EML5: variants seen among roughly 807,000 people sequenced by gnomAD.
The protein encoded by EML5 is EMAP like 5.
EML5 carries 120 observed loss-of-function variants against 250.0 expected under a neutral mutation model. The observed-to-expected ratio is 0.48, with a 90% CI of 0.41 to 0.56. The LOEUF (loss-of-function observed/expected upper bound fraction) is 0.56, where lower values mean the gene tolerates loss of function less well. Ranked by LOEUF, EML5 falls within the 20% of genes least tolerant of loss-of-function variation. The pLI is 0.00. For missense variants in EML5, 2,006 were observed against 2,437.6 expected, an observed-to-expected ratio of 0.82 and a Z score of 3.73; for synonymous variants, 771 against 806.5, an observed-to-expected ratio of 0.96 and a Z score of 0.75.
intron 2 of EML5, among the ~76,000 whole-genome samples, chr14:88,749,352 T>C (rs1265780575): frequency 2.0e-5 from 3 of 152,014 alleles, no homozygotes; most frequent in Non-Finnish European, 4.4e-5. Flanking sequence ...CCTTTGAAAA[T>C]TGAGTCAAAA....
In EML5 at chr14:88,792,852, G is replaced by T; in HGVS notation, c.-349C>A. The T allele has an allele frequency of 1.8e-6, 1 of 561,104 alleles. No individual in the cohort carries two copies. The highest frequency in any genetic ancestry group is 2.3e-6 in the Non-Finnish European group (1 of 441,174). The allele number at this position is 561,104 out of a possible 1,614,324, so 34.8% of individuals were successfully genotyped here. A position where few individuals can be genotyped will look rare whatever the true frequency, so the allele number is the denominator to read the frequency against. ...AGCTCCTCAGCCGCCGCCCGCGCAC[G>T]CAGCTCCCAGCCCCGGTCACCTGCG... On this transcript the variant is annotated 5_prime_UTR_variant, in exon 1 of 44. Transcript: ENST00000554922. The surrounding 1 kb of genome is among the most constrained non-coding windows in gnomAD (Gnocchi z 6.9).
intron 18 of EML5, 73 bp downstream of exon 18, chr14:88,688,198 T>G: frequency 6.8e-7 from 1 of 1,465,976 alleles, no homozygotes; most frequent in Non-Finnish European, 9.5e-7. Context: ...AAGGCAGTGT[T>G]CCTTTACTTC....
At chr14:88,785,029 G>A (rs1199746611) in intron 1 of EML5, among the ~76,000 whole-genome samples, 1 of 152,156 alleles carries the variant, frequency 6.6e-6, no homozygotes. Flanking sequence ...ACGAGATCCT[G>A]TCATTTGCAA....
At chr14:88,654,574 A>G (rs1276814472) in intron 27 of EML5, among the ~76,000 whole-genome samples, 1 of 152,140 alleles carries the variant, frequency 6.6e-6, no homozygotes, top group East Asian at 1.9e-4. Flanking sequence ...TTCAGTTTCC[A>G]TGTAGTTGTA....
intron 32 of EML5, among the ~76,000 whole-genome samples, chr14:88,635,825 C>A (rs1014877146): frequency 1.3e-5 from 2 of 152,026 alleles, no homozygotes; most frequent in Admixed American, 6.6e-5. Context: ...AGGATGGAGC[C>A]CTCACAATGA....
At chr14:88,625,149 G>C (rs1181396614) in intron 35 of EML5, 22 bp from the exon 36 acceptor site, 1 of 1,611,308 alleles carries the variant, frequency 6.2e-7, no homozygotes, top group Non-Finnish European at 8.5e-7. Context: ...TGGGGGAGGG[G>C]GAGACAAACT....
intron 18 of EML5, among the ~76,000 whole-genome samples, chr14:88,687,772 A>C (rs2092867444): frequency 6.6e-6 from 1 of 152,076 alleles, no homozygotes; most frequent in Non-Finnish European, 1.5e-5. Flanking sequence ...AAACAAAAAA[A>C]ACACAAAACA....
chr14:88,647,543 A>G (rs2091411608), intron 28 of EML5, among the ~76,000 whole-genome samples: 1 of 151,902 alleles, frequency 6.6e-6, no homozygotes, highest in South Asian at 2.1e-4. Flanking sequence ...TAAAAAACAC[A>G]ACAATTAGCC....
Position 88,740,481 on chromosome 14 carries a change from G to C in EML5, c.617C>G (p.Ala206Gly), listed in dbSNP as rs1440353643. ...ACCAGAATATGTTAATTCATCCCTT[G>C]CACAGGCTAGGCACAGTATTGTCTG... ...DLQTILCLAC[A>G]RDELTYSGAL... The change falls in exon 5 of 44, where the codon GCA becomes GGA. Residue 206 changes from alanine (A) to glycine (G), a missense_variant. Physicochemically the swap from Ala to Gly is moderately conservative, Grantham distance 60 (BLOSUM62 0). Around this residue, in one of 7 missense-constraint regions of EML5, gnomAD observed 1,375 missense variants for 1,590.3 expected, o/e 0.86. Coordinates refer to ENST00000554922, the MANE Select transcript of EML5 (RefSeq NM_183387.3). 3 of 1,613,602 alleles carry C rather than the reference G, an allele frequency of 1.9e-6. No homozygotes were observed. The highest frequency in any genetic ancestry group is 2.5e-6 in the Non-Finnish European group (3 of 1,179,776).
intron 2 of EML5, among the ~76,000 whole-genome samples, chr14:88,750,000 T>C (rs1007802100): frequency 1.3e-5 from 2 of 152,214 alleles, no homozygotes; most frequent in Non-Finnish European, 2.9e-5. Flanking sequence ...AAAGTTTTAC[T>C]GGAATATAGC....
At chr14:88,678,811 T>C (rs10438199) in intron 21 of EML5, among the ~76,000 whole-genome samples, 16,674 of 152,162 alleles carry the variant, frequency 0.11, 1,009 homozygotes, top group African/African-American at 0.14. Context: ...TTTTGAACAC[T>C]GGAATATGAA....
At chr14:88,657,267 G>T in intron 27 of EML5, 109 bp downstream of exon 27, 2 of 1,099,698 alleles carry the variant, frequency 1.8e-6, no homozygotes, top group Non-Finnish European at 2.6e-6. Flanking sequence ...ATTGTCTATA[G>T]CAAGAATATC....
chr14:88,619,034 C>T (rs1362841798), intron 39 of EML5: 2 of 382,858 alleles, frequency 5.2e-6, no homozygotes, highest in Non-Finnish European at 9.0e-6. Flanking sequence ...CCCCAATTGT[C>T]ATCTCCCAAT....
At chr14:88,773,530 G>A (rs1394231146) in intron 1 of EML5, among the ~76,000 whole-genome samples, 1 of 152,184 alleles carries the variant, frequency 6.6e-6, no homozygotes, top group Non-Finnish European at 1.5e-5. Flanking sequence ...TCCTAGGCCA[G>A]CACCTGAACA....
chr14:88,681,733 CG>C (rs2092717710), intron 21 of EML5, among the ~76,000 whole-genome samples, 156 bp downstream of exon 21: 1 of 152,168 alleles, frequency 6.6e-6, no homozygotes, highest in African/African-American at 2.4e-5. Flanking sequence ...AGTACAATTA[CG>C]TTTCTCTATG....
chr14:88,731,142 C>T (rs974874488), intron 7 of EML5, among the ~76,000 whole-genome samples: 1 of 152,056 alleles, frequency 6.6e-6, no homozygotes, highest in Non-Finnish European at 1.5e-5. Flanking sequence ...CATATGTATA[C>T]ATGCGCCATG....
chr14:88,690,132 T>C (rs1186833817), intron 17 of EML5, among the ~76,000 whole-genome samples: 3 of 152,000 alleles, frequency 2.0e-5, no homozygotes, highest in Admixed American at 1.3e-4. Flanking sequence ...CTAAGTAACA[T>C]CCAGGGAGAC....
At chr14:88,701,756 T>TA (rs2093214800) in intron 14 of EML5, among the ~76,000 whole-genome samples, 1 of 152,214 alleles carries the variant, frequency 6.6e-6, no homozygotes, top group Admixed American at 6.5e-5. Flanking sequence ...TACTACCTAT[T>TA]AACTGATTGA....
intron 1 of EML5, among the ~76,000 whole-genome samples, chr14:88,775,379 G>A (rs1156586948): frequency 6.6e-6 from 1 of 151,410 alleles, no homozygotes; most frequent in Non-Finnish European, 1.5e-5. Context: ...GCAGAAGGGA[G>A]CCCATTGCCC....
Sources: allele counts gnomAD v4.1 joint callset (sites outside exome capture counted in the v4.1 genomes callset), GRCh38; gene constraint gnomAD v4.1.1; regional missense constraint gnomAD v4.1.1; non-coding constraint Gnocchi (gnomAD v3.1); transcripts MANE v1.5; gene names NCBI Gene and HGNC (gene_info 2026-07-23, HGNC 2026-07-21).